DNAH2: variants seen among roughly 807,000 people sequenced by gnomAD.
DNAH2 encodes the protein dynein axonemal heavy chain 2, also known as axonemal beta dynein heavy chain 2.
Under a neutral mutation model 523.5 loss-of-function variants are expected in DNAH2, and 323 were observed. That is an observed-to-expected ratio of 0.62 (90% CI 0.56 to 0.68). DNAH2 has a LOEUF of 0.68. Ranked by LOEUF, DNAH2 falls within the 30% of genes least tolerant of loss-of-function variation. DNAH2 has a pLI of 0.00. For synonymous variants in DNAH2, 2,093 were observed against 2,177.4 expected, an observed-to-expected ratio of 0.96 and a Z score of 1.08; for missense variants, 4,907 against 5,701.5, an observed-to-expected ratio of 0.86 and a Z score of 4.49.
chr17:7,737,298 G>T (rs2075170866), intron 8 of DNAH2, 40 bp downstream of exon 8: 1 of 1,592,736 alleles, frequency 6.3e-7, no homozygotes. Context: ...GGTTTATGAG[G>T]GTGGCCGGGT....
intron 71 of DNAH2, 56 bp downstream of exon 71, chr17:7,819,119 A>G: frequency 1.2e-6 from 2 of 1,602,338 alleles, no homozygotes; most frequent in Non-Finnish European, 1.7e-6. Context: ...ATGCAACTCC[A>G]TCATGACGGC....
chr17:7,762,536 G>A (rs1169161734), intron 18 of DNAH2, among the ~76,000 whole-genome samples: 2 of 151,696 alleles, frequency 1.3e-5, no homozygotes, highest in Non-Finnish European at 2.9e-5. Context: ...GGGTTTCATC[G>A]TGTTAGCCAG....
Position 7,759,115 on chromosome 17 carries a change from T to C in DNAH2, c.2439T>C (p.Asp813=), listed in dbSNP as rs759621514. Residue 813 remains aspartate (D), a synonymous_variant, in exon 15 of 86, where the codon GAT becomes GAC. Transcript: ENST00000572933. ...MTNSYEVFKN[D]GPEIQQQWML... ...ACTCCTATGAGGTCTTCAAGAATGA[T>C]GGTCCTGAGGTAGGGTTCCTGTGGC... 4 of 1,614,082 alleles carry C rather than the reference T, an allele frequency of 2.5e-6. No homozygotes were observed. Among genetic ancestry groups the C allele is most frequent in the Non-Finnish European group, 3.4e-6 (4 of 1,180,016 alleles).
chr17:7,797,128 G>T, intron 50 of DNAH2, 48 bp from the exon 51 acceptor site: 1 of 1,445,872 alleles, frequency 6.9e-7, no homozygotes, highest in Non-Finnish European at 9.6e-7. Flanking sequence ...AAAACTTCTG[G>T]AGGGAATCTT....
chr17:7,793,042 TCTA>T lies in DNAH2; in HGVS notation c.7408_7410del (p.Tyr2470del). 1 of 1,614,138 alleles carries T rather than the reference TCTA, an allele frequency of 6.2e-7. No individual in the cohort carries two copies. Among genetic ancestry groups the T allele is most frequent in the Non-Finnish European group, 8.5e-7 (1 of 1,180,002 alleles). On this transcript the variant is annotated inframe_deletion, in exon 48 of 86. Transcript: ENST00000572933. ...AGGGTTGAGAAGCGAACCAAGGGTG[TCTA>T]CGTGCCATTCGGGGGCAAAAGCATG...
rs57660603 is a variant in DNAH2, at chr17:7,749,308, C to CAAAAAAAAAAAAAAAAAAAAAA, written c.1904+6185_1904+6206dup. Among the ~76,000 whole-genome samples, 82 of 17,764 alleles carry CAAAAAAAAAAAAAAAAAAAAAA rather than the reference C, an allele frequency of 4.6e-3. 37 individuals are homozygous for CAAAAAAAAAAAAAAAAAAAAAA. Among genetic ancestry groups the CAAAAAAAAAAAAAAAAAAAAAA allele is most frequent in the Non-Finnish European group, 6.0e-3 (74 of 12,386 alleles). 11.7% of individuals were successfully genotyped at this position (17,764 alleles called of 152,430 possible). A position where few individuals can be genotyped will look rare whatever the true frequency, so the allele number is the denominator to read the frequency against. On this transcript the variant is annotated intron_variant, in intron 12 of 85. Transcript: ENST00000572933. ...GGGCAACAAGAGCTAAACTCCCCCC[C>CAAAAAAAAAAAAAAAAAAAAAA]AAAAAAAAAAAAAAAAAAAAAAAAA...
Position 7,757,166 on chromosome 17 carries a change from C to A in DNAH2, c.1980C>A (p.Asn660Lys), listed in dbSNP as rs200940396. ...TTGAGACGCCCCATTACGTGGTGAA[C>A]GTAGCTGAGCGAGCCGAGGACCTGC... ...LLFETPHYVV[N>K]VAERAEDLRI... The change falls in exon 13 of 86, where the codon AAC (asparagine) becomes AAA (lysine). Residue 660 changes from asparagine (N) to lysine (K), a missense_variant. Transcript: ENST00000572933. The A allele has an allele frequency of 3.8e-5, 61 of 1,614,052 alleles. No individual in the cohort carries two copies. The highest frequency in any genetic ancestry group is 4.9e-5 in the Non-Finnish European group (58 of 1,180,040).
chr17:7,778,611 T>G, intron 35 of DNAH2, 142 bp downstream of exon 35: 2 of 873,074 alleles, frequency 2.3e-6, no homozygotes, highest in Non-Finnish European at 3.2e-6. Flanking sequence ...TATTTATTTA[T>G]TTTTTGGAGT....
At chr17:7,793,447 T>TTCTTTCTTTCTCTTTC (rs774059490) in intron 48 of DNAH2, among the ~76,000 whole-genome samples, 1 of 96,416 alleles carries the variant, frequency 1.0e-5, no homozygotes, top group Non-Finnish European at 2.4e-5. Context: ...CTTTCTTTCT[T>TTCTTTCTTTCTCTTTC]TTTCTTTCTT....
intron 7 of DNAH2, among the ~76,000 whole-genome samples, chr17:7,735,855 C>T (rs1229131359): frequency 2.0e-5 from 3 of 151,636 alleles, no homozygotes; most frequent in African/African-American, 7.3e-5. Flanking sequence ...TGGGTTCAAG[C>T]GATTCTCCTG....
chr17:7,740,716 T>C, intron 10 of DNAH2, 94 bp from the exon 11 acceptor site: 1 of 1,538,712 alleles, frequency 6.5e-7, no homozygotes, highest in Non-Finnish European at 8.8e-7. Context: ...GGAGTGTGAC[T>C]CCCGCAGCGG....
chr17:7,719,301 G>A (rs1033948832), intron 1 of DNAH2, among the ~76,000 whole-genome samples: 1 of 151,934 alleles, frequency 6.6e-6, no homozygotes, highest in Non-Finnish European at 1.5e-5. Flanking sequence ...CTAATTTTTT[G>A]TATTTTTAGT....
intron 12 of DNAH2, among the ~76,000 whole-genome samples, chr17:7,751,368 CAGGCATG>C (rs2075678208): frequency 6.6e-6 from 1 of 152,134 alleles, no homozygotes; most frequent in South Asian, 2.1e-4. Flanking sequence ...GCTGAACTTA[CAGGCATG>C]AGCCACCACA....
chr17:7,806,594 G>T (rs1366429804), intron 61 of DNAH2, among the ~76,000 whole-genome samples: 1 of 145,030 alleles, frequency 6.9e-6, no homozygotes, highest in Non-Finnish European at 1.5e-5. Flanking sequence ...GGGAGGCGGA[G>T]CTTGCAGTGA....
intron 2 of DNAH2, among the ~76,000 whole-genome samples, chr17:7,721,872 C>T (rs2074618464): frequency 6.6e-6 from 1 of 152,192 alleles, no homozygotes; most frequent in Non-Finnish European, 1.5e-5. Flanking sequence ...GGGCTGATTC[C>T]TATGAGCCCC....
At chr17:7,731,727 A>G (rs1182821270) in intron 4 of DNAH2, among the ~76,000 whole-genome samples, 1 of 152,114 alleles carries the variant, frequency 6.6e-6, no homozygotes, top group East Asian at 1.9e-4. Context: ...TAGTTGTTAA[A>G]CTTTTAAAAA....
chr17:7,791,369 C>T (rs1013404760), intron 44 of DNAH2, among the ~76,000 whole-genome samples: 3 of 152,166 alleles, frequency 2.0e-5, no homozygotes, highest in Non-Finnish European at 4.4e-5. Flanking sequence ...CCGTGCCTGA[C>T]TGAAAATGTG....
At chr17:7,802,888 T>C (rs1367461598) in intron 58 of DNAH2, among the ~76,000 whole-genome samples, 1 of 151,556 alleles carries the variant, frequency 6.6e-6, no homozygotes, top group African/African-American at 2.4e-5. Context: ...GGCCAGGCTG[T>C]TCTTGAACTC....
intron 2 of DNAH2, among the ~76,000 whole-genome samples, chr17:7,720,296 A>C (rs2074561202): frequency 1.3e-5 from 2 of 152,028 alleles, no homozygotes; most frequent in African/African-American, 4.8e-5. Flanking sequence ...TAAGCCCATC[A>C]CCATGGAGAC....
Sources: allele counts gnomAD v4.1 joint callset (sites outside exome capture counted in the v4.1 genomes callset), GRCh38; gene constraint gnomAD v4.1.1; transcripts MANE v1.5; gene names NCBI Gene and HGNC (gene_info 2026-07-23, HGNC 2026-07-21).